The following PTBP1 variants were observed in gnomAD, a reference collection of about 807,000 sequenced individuals.
PTBP1 encodes the protein polypyrimidine tract binding protein 1, also known as polypyrimidine tract-binding protein 1.
In PTBP1, 8 loss-of-function variants were observed where a neutral mutation model predicts 59.8. The observed-to-expected ratio is 0.13, with a 90% CI of 0.08 to 0.24. PTBP1 has a LOEUF of 0.24. Ranked by LOEUF, PTBP1 falls within the 10% of genes least tolerant of loss-of-function variation. The pLI is 1.00. For missense variants in PTBP1, 686 were observed against 767.0 expected (o/e 0.89, Z 1.25); for synonymous variants, 490 against 320.7 (o/e 1.53, Z -5.64).
Position 808,495 on chromosome 19 carries a change from G to A in PTBP1, c.1246+43G>A. On this transcript the variant is annotated intron_variant, in intron 12 of 14. Transcript: ENST00000356948. This position sits in a 1 kb window ranked among gnomAD's most constrained non-coding sequence, Gnocchi z 4.7. ...CCCCGGGGTGGAGGGGGCAGGGGCG[G>A]GGGCTGCGTTCCCTCTCGGGCGCCT... 6.4e-7 allele frequency: 1 copy of A among 1,558,672 alleles called. No homozygotes were observed. The highest frequency in any genetic ancestry group is 8.7e-7 in the Non-Finnish European group (1 of 1,152,842).
chr19:801,788 C>G (rs886904296), intron 2 of PTBP1, among the ~76,000 whole-genome samples: 1 of 152,208 alleles, frequency 6.6e-6, no homozygotes, highest in African/African-American at 2.4e-5. Context: ...GCTGTGTTTT[C>G]TGATCGCGTG....
chr19:798,005 C>G (rs1036541145), intron 1 of PTBP1, among the ~76,000 whole-genome samples: 12 of 150,648 alleles, frequency 8.0e-5, no homozygotes, highest in Non-Finnish European at 1.8e-4. Flanking sequence ...GGCGCAGCCC[C>G]GGAAGCGCAG....
rs1251630845 is a variant in PTBP1 at position 811,581 on chromosome 19, ACTTC to A, written c.*759_*762del. On this transcript the variant is annotated 3_prime_UTR_variant, in exon 15 of 15. Coordinates refer to ENST00000356948, the MANE Select transcript of PTBP1 (RefSeq NM_002819.5). The stretch of plus-strand genomic sequence containing the variant: ...ATACAATGGTATGAGTGTAATCTAA[ACTTC>A]CTTGTGGTATTACCTTGTATGCTGT... The A allele has an allele frequency of 2.0e-5, 3 of 152,388 alleles. No homozygotes were observed. Among genetic ancestry groups the A allele is most frequent in the Non-Finnish European group, 2.9e-5 (2 of 68,048 alleles). The allele number at this position is 152,388 out of a possible 1,614,324, so 9.4% of individuals were successfully genotyped here.
At chr19:802,367 G>A (rs2034372560) in intron 2 of PTBP1, among the ~76,000 whole-genome samples, 1 of 151,944 alleles carries the variant, frequency 6.6e-6, no homozygotes, top group South Asian at 2.1e-4. Context: ...GCGCAGGCTC[G>A]GGGAGGCCAG....
chr19:807,883 A>G lies in PTBP1; in HGVS notation c.1134A>G (p.Gln378=). ...SNLNPERVTP[Q]SLFILFGVYG... is the part of the protein sequence containing the mutation. ...TGTCTCTAAAGAGAGTCACACCCCA[A>G]AGCCTCTTTATTCTTTTCGGTATGT... Residue 378 remains glutamine (Q), a synonymous_variant, in exon 11 of 15, where the codon CAA becomes CAG. Transcript: ENST00000356948. The G allele has an allele frequency of 6.2e-7, 1 of 1,613,440 alleles. No homozygotes were observed. The highest frequency in any genetic ancestry group is 8.5e-7 in the Non-Finnish European group (1 of 1,179,530).
At chr19:805,458 T>C in intron 8 of PTBP1, 34 bp from the exon 9 acceptor site, 1 of 1,578,438 alleles carries the variant, frequency 6.3e-7, no homozygotes, top group Non-Finnish European at 8.7e-7. Context: ...GTGGAGGTTG[T>C]GGGTGCGATG....
intron 5 of PTBP1, 33 bp downstream of exon 5, chr19:804,471 G>A (rs761874116): frequency 1.3e-5 from 20 of 1,596,730 alleles, no homozygotes; most frequent in African/African-American, 6.7e-5. Context: ...CCAGCAGCCC[G>A]GGGACCTCGG....
Position 799,462 on chromosome 19 carries a change from G to A in PTBP1, c.39+19G>A, listed in dbSNP as rs754775474. 37 of 1,613,164 alleles carry A rather than the reference G, an allele frequency of 2.3e-5. No homozygotes were observed. The East Asian group carries it at 8.2e-4, about 36-fold the overall frequency. ...TACAAAGGTAGGCACTTCTCACTTTGCTTCTCCGTGACGCTCCTCTGACCT... is the reference window on the plus strand; with the variant it reads ...TACAAAGGTAGGCACTTCTCACTTTACTTCTCCGTGACGCTCCTCTGACCT... On this transcript the variant is annotated intron_variant, in intron 2 of 14. Transcript: ENST00000356948.
At position 810,712 on chromosome 19, in the gene PTBP1, A is replaced by G. The variant is rs2145041308; in HGVS notation, c.1560A>G (p.Ala520=). ...CTTGCAGGAAGGACCGCAAGATGGC[A>G]CTGATCCAGATGGGCTCCGTGGAGG... The part of the protein sequence containing the change: ...FKFFQKDRKM[A]LIQMGSVEEA... Residue 520 remains alanine (A), a synonymous_variant, in exon 15 of 15, where the codon GCA becomes GCG. Transcript: ENST00000356948. 6.2e-7 allele frequency: 1 copy of G among 1,611,464 alleles called. No individual in the cohort carries two copies. Among genetic ancestry groups the G allele is most frequent in the Non-Finnish European group, 8.5e-7 (1 of 1,179,276 alleles).
In PTBP1 at chr19:811,493, TTCTAA is replaced by T. The variant is rs1378841786; in HGVS notation, c.*671_*675del. ...AGCAATATTTCCAGTTGACCAAATA[TTCTAA>T]TCTTTTTTCATTTATATGCAAAAGA... On this transcript the variant is annotated 3_prime_UTR_variant, in exon 15 of 15. Coordinates refer to ENST00000356948, the MANE Select transcript of PTBP1 (RefSeq NM_002819.5). 1 of 152,514 alleles carries T rather than the reference TTCTAA, an allele frequency of 6.6e-6. No homozygotes were observed. Among genetic ancestry groups the T allele is most frequent in the Non-Finnish European group, 1.5e-5 (1 of 68,054 alleles). The allele number at this position is 152,514 out of a possible 1,614,324, so 9.4% of individuals were successfully genotyped here. A position where few individuals can be genotyped will look rare whatever the true frequency, so the allele number is the denominator to read the frequency against.
intron 1 of PTBP1, 93 bp downstream of exon 1, chr19:797,598 C>T (rs978253447): frequency 3.0e-5 from 27 of 898,438 alleles, no homozygotes; most frequent in Admixed American, 1.4e-4. Flanking sequence ...CGATCTCGCC[C>T]CCTCTCGGGC....
In PTBP1 at chr19:800,693, CTG is replaced by C. The variant is rs1329033297; in HGVS notation, c.39+1252_39+1253del. Among the ~76,000 whole-genome samples, 3 of 152,334 alleles carry C rather than the reference CTG, an allele frequency of 2.0e-5. No homozygotes were observed. In the East Asian group the frequency reaches 5.8e-4, roughly 29 times the overall value. On this transcript the variant is annotated intron_variant, in intron 2 of 14. Coordinates refer to ENST00000356948, the MANE Select transcript of PTBP1 (RefSeq NM_002819.5). ...GCCCCGATCTTCCTGGAGATAAAAC[CTG>C]TTTGTTCAGTGTGGGAGGAGGGAGA...
In PTBP1 at chr19:799,449, C is replaced by T. The variant is rs551463523; in HGVS notation, c.39+6C>T. 1.5e-5 allele frequency: 24 copies of T among 1,613,668 alleles called. No homozygotes were observed. In the South Asian group the frequency reaches 2.2e-4, roughly 15 times the overall value. ...ATATAGCCGTTGGTACAAAGGTAGG[C>T]ACTTCTCACTTTGCTTCTCCGTGAC... On this transcript the variant is annotated splice_donor_region_variant and intron_variant, in intron 2 of 14. Transcript: ENST00000356948.
chr19:803,608 T>A lies in PTBP1; in HGVS notation c.87T>A (p.Phe29Leu). The A allele has an allele frequency of 6.2e-7, 1 of 1,614,180 alleles. No individual in the cohort carries two copies. Among genetic ancestry groups the A allele is most frequent in the Non-Finnish European group, 8.5e-7 (1 of 1,180,006 alleles). ...LFSTCVTNGP[F>L]IMSSNSASAA... ...CTACTTGTGTCACTAACGGACCGTT[T>A]ATCATGAGCAGCAACTCGGCTTCTG... Residue 29 changes from phenylalanine to leucine, a missense_variant, in exon 3 of 15, where the codon TTT (phenylalanine) becomes TTA (leucine). Phe to Leu is a conservative substitution (Grantham distance 22). Transcript: ENST00000356948.
Position 808,325 on chromosome 19 carries a change from C to T in PTBP1, c.1154-35C>T. On this transcript the variant is annotated intron_variant, in intron 11 of 14. Coordinates refer to ENST00000356948, the MANE Select transcript of PTBP1 (RefSeq NM_002819.5). This position sits in a 1 kb window ranked among gnomAD's most constrained non-coding sequence, Gnocchi z 4.7. ...ACGGGGAGATGGGCGGGGCAGGCAG[C>T]AGGAGACTCAGGCCCCATCCCTGGG... is the stretch of plus-strand genomic sequence containing the variant. 2.6e-6 allele frequency: 4 copies of T among 1,519,676 alleles called. No individual in the cohort carries two copies. Among genetic ancestry groups the T allele is most frequent in the Non-Finnish European group, 3.6e-6 (4 of 1,114,800 alleles). The allele number at this position is 1,519,676 out of a possible 1,614,324, so 94.1% of individuals were successfully genotyped here. A position where few individuals can be genotyped will look rare whatever the true frequency, so the allele number is the denominator to read the frequency against.
chr19:811,077 T>G lies in PTBP1; in HGVS notation c.*251T>G. 2.5e-6 allele frequency: 1 copy of G among 402,012 alleles called. No homozygotes were observed. Among genetic ancestry groups the G allele is most frequent in the Non-Finnish European group, 4.4e-6 (1 of 229,076 alleles). 24.9% of individuals were successfully genotyped at this position (402,012 alleles called of 1,614,324 possible). ...GCCCTCCACACCCGGGGCCAGACCCTCGGGGCCATGCCTTGGTGGGGCCTG... is the reference window on the plus strand; with the variant it reads ...GCCCTCCACACCCGGGGCCAGACCCGCGGGGCCATGCCTTGGTGGGGCCTG... On this transcript the variant is annotated 3_prime_UTR_variant, in exon 15 of 15. Transcript: ENST00000356948.
intron 2 of PTBP1, among the ~76,000 whole-genome samples, chr19:802,978 C>T (rs1045773870): frequency 5.3e-5 from 8 of 152,344 alleles, no homozygotes; most frequent in South Asian, 2.1e-4. Flanking sequence ...TGTCTCTAGT[C>T]CTCAGTCTCG....
In PTBP1 at chr19:804,575, G is replaced by A; in HGVS notation, c.479G>A (p.Gly160Glu). Residue 160 changes from glycine (G) to glutamate (E), a missense_variant, in exon 6 of 15, where the codon GGG becomes GAG. Gly to Glu is a moderately conservative substitution (Grantham distance 98). Transcript: ENST00000356948. Reference sequence around the variant, plus strand: ...CAGGCGGTGAACTCGGTCCAGTCGGGGAACCTGGCCTTGGCTGCCTCGGCG... The same window carrying A: ...CAGGCGGTGAACTCGGTCCAGTCGGAGAACCTGGCCTTGGCTGCCTCGGCG... ...ALQAVNSVQSGNLALAASAAA... is the reference protein window; with the variant it reads ...ALQAVNSVQSENLALAASAAA... 6.2e-7 allele frequency: 1 copy of A among 1,610,158 alleles called. No homozygotes were observed. The highest frequency in any genetic ancestry group is 8.5e-7 in the Non-Finnish European group (1 of 1,179,310).
chr19:810,533 C>G lies in PTBP1; in HGVS notation c.1464-10C>G. 6.2e-7 allele frequency: 1 copy of G among 1,612,464 alleles called. No homozygotes were observed. The highest frequency in any genetic ancestry group is 8.5e-7 in the Non-Finnish European group (1 of 1,179,538). On this transcript the variant is annotated splice_polypyrimidine_tract_variant and intron_variant, in intron 13 of 14. Coordinates refer to ENST00000356948, the MANE Select transcript of PTBP1 (RefSeq NM_002819.5). Reference sequence around the variant, plus strand: ...CGCGGCCCCAGGCTCACGCCTTTCTCCTCCCACAGGCCCTCAGTCTCCGAG... The same window carrying G: ...CGCGGCCCCAGGCTCACGCCTTTCTGCTCCCACAGGCCCTCAGTCTCCGAG...
Sources: gnomAD v4.1 joint callset for allele counts (sites outside exome capture counted in the v4.1 genomes callset) on GRCh38, gnomAD v4.1.1 for gene constraint, Gnocchi (gnomAD v3.1) non-coding constraint, MANE v1.5 for transcripts, NCBI Gene and HGNC (gene_info 2026-07-23, HGNC 2026-07-21) for gene names.